Variants in EOGT observed in about 807,000 individuals in gnomAD.
EOGT encodes the protein EGF domain-specific O-linked N-acetylglucosamine transferase.
Under a neutral mutation model 70.5 loss-of-function variants are expected in EOGT, and 55 were observed. The observed-to-expected ratio is 0.78, with a 90% CI of 0.63 to 0.98. The LOEUF (loss-of-function observed/expected upper bound fraction) is 0.98. EOGT is among the 50% of genes least tolerant of loss of function. EOGT has a pLI of 0.00. For missense variants in EOGT, 703 were observed against 641.9 expected (o/e 1.10, Z -1.03); for synonymous variants, 246 against 217.1 (o/e 1.13, Z -1.17).
chr3:68,997,371 CT>C lies in EOGT; in HGVS notation c.831+639del, dbSNP rs796115630. ...TTACAGAGGTTGAGTGAATGACAGC[CT>C]TTTTTTTTTTTTTTGAGACAGAGTC... On this transcript the variant is annotated intron_variant, in intron 10 of 17. Coordinates refer to ENST00000383701, the MANE Select transcript of EOGT (RefSeq NM_001278689.2). Among the ~76,000 whole-genome samples, 425 of 141,356 alleles carry C rather than the reference CT, an allele frequency of 3.0e-3. 1 individual carries two copies. The highest frequency in any genetic ancestry group is 0.022 in the Middle Eastern group (6 of 276). 92.7% of individuals were successfully genotyped at this position (141,356 alleles called of 152,430 possible). A position where few individuals can be genotyped will look rare whatever the true frequency, so the allele number is the denominator to read the frequency against.
intron 14 of EOGT, among the ~76,000 whole-genome samples, chr3:68,984,218 C>CTT (rs1159622202): frequency 6.6e-6 from 1 of 151,642 alleles, no homozygotes; most frequent in Non-Finnish European, 1.5e-5. Flanking sequence ...CTCTCTCTCT[C>CTT]TCTCACACTC....
intron 15 of EOGT, 172 bp downstream of exon 15, chr3:68,982,639 A>G (rs1273717464): frequency 1.2e-5 from 5 of 413,896 alleles, no homozygotes. Flanking sequence ...CCAAAGAGTA[A>G]CTGCCCTTGT....
intron 14 of EOGT, among the ~76,000 whole-genome samples, chr3:68,985,126 C>A (rs1168874288): frequency 6.6e-6 from 1 of 152,192 alleles, no homozygotes; most frequent in Non-Finnish European, 1.5e-5. Context: ...ATATGCTTGA[C>A]CCCCAACTGC....
At chr3:68,989,128 C>A (rs552676589) in intron 10 of EOGT, 111 bp from the exon 11 acceptor site, 17 of 566,898 alleles carry the variant, frequency 3.0e-5, no homozygotes, top group South Asian at 3.0e-4. Flanking sequence ...AACAATCCTA[C>A]GCAAGTTCAT....
chr3:69,007,643 C>T, intron 6 of EOGT, 70 bp downstream of exon 6: 1 of 1,056,968 alleles, frequency 9.5e-7, no homozygotes, highest in Non-Finnish European at 1.4e-6. Flanking sequence ...TAGACAGAAA[C>T]TCCGTCTCAA....
In EOGT at chr3:69,004,378, C is replaced by G. The variant is rs587776993; in HGVS notation, c.620G>C (p.Trp207Ser). 1 of 1,609,228 alleles carries G rather than the reference C, an allele frequency of 6.2e-7. No homozygotes were observed. The highest frequency in any genetic ancestry group is 1.1e-5 in the South Asian group (1 of 90,622). Residue 207 changes from tryptophan to serine, a missense_variant and splice_region_variant, in exon 8 of 18, where the codon TGG becomes TCG. Trp to Ser is a radical substitution (Grantham distance 177, BLOSUM62 -3). Transcript: ENST00000383701. ...EGQRKSPLQS[W>S]FAELQSYTQL... is the part of the protein sequence containing the mutation. ...AACAGATACGTTAAAAATATCTTAC[C>G]ATGACTGCAGAGGGCTTTTGCGCTG... is the stretch of plus-strand genomic sequence containing the variant.
Position 68,982,873 on chromosome 3 carries a change from C to T in EOGT, c.1153-1G>A. The T allele has an allele frequency of 6.3e-7, 1 of 1,598,828 alleles. No individual in the cohort carries two copies. The highest frequency in any genetic ancestry group is 8.5e-7 in the Non-Finnish European group (1 of 1,172,814). On this transcript the variant is annotated splice_acceptor_variant, in intron 14 of 17. Transcript: ENST00000383701. LOFTEE classifies it high-confidence loss of function. The stretch of plus-strand genomic sequence containing the variant: ...ATACTGTTTTCAGTGCATTTACAAG[C>T]TGGGAAAAAAAGAGAAACATTTAGC...
chr3:68,999,951 G>A (rs949989271), intron 9 of EOGT, among the ~76,000 whole-genome samples: 15 of 152,200 alleles, frequency 9.9e-5, no homozygotes, highest in Admixed American at 9.8e-4. Context: ...ACCAGGCACA[G>A]TTACTCACAC....
intron 10 of EOGT, among the ~76,000 whole-genome samples, chr3:68,992,124 G>A (rs62254187): frequency 0.01 from 1,584 of 152,066 alleles, 9 homozygotes; most frequent in East Asian, 0.018. Context: ...TCTAAATCTC[G>A]TGTCCCCACA....
At chr3:68,994,047 A>G (rs115159308) in intron 10 of EOGT, among the ~76,000 whole-genome samples, 92 of 152,366 alleles carry the variant, frequency 6.0e-4, no homozygotes, top group African/African-American at 2.1e-3. Context: ...TCTGGGTACC[A>G]TAACGAGATC....
chr3:68,994,806 A>C (rs901229125), intron 10 of EOGT, among the ~76,000 whole-genome samples: 1 of 152,208 alleles, frequency 6.6e-6, no homozygotes, highest in East Asian at 1.9e-4. Context: ...AAACAGAAAA[A>C]AAGTAATCAT....
chr3:68,994,122 T>C (rs2091076411), intron 10 of EOGT, among the ~76,000 whole-genome samples: 1 of 152,118 alleles, frequency 6.6e-6, no homozygotes, highest in South Asian at 2.1e-4. Context: ...GTAATATATA[T>C]TATATATACG....
chr3:68,982,946 A>ATT, intron 14 of EOGT, 74 bp from the exon 15 acceptor site: 1 of 1,172,162 alleles, frequency 8.5e-7, no homozygotes, highest in Non-Finnish European at 1.2e-6. Flanking sequence ...GAGTCCTAAA[A>ATT]TTTCTTTTTT....
chr3:69,009,723 A>G lies in EOGT; in HGVS notation c.124T>C (p.Leu42=), dbSNP rs2091525759. The change falls in exon 4 of 18, where the codon TTG becomes CTG. Residue 42 remains leucine (L), a synonymous_variant. Coordinates refer to ENST00000383701, the MANE Select transcript of EOGT (RefSeq NM_001278689.2). The part of the protein sequence containing the change: ...EPLYNYASIR[L]PEEHIPFFLH... ...AAGAAGGGAATGTGCTCCTCTGGCAAGCGGATGCTGGCATAGTTATACAGA... is the reference window on the plus strand; with the variant it reads ...AAGAAGGGAATGTGCTCCTCTGGCAGGCGGATGCTGGCATAGTTATACAGA... The G allele has an allele frequency of 6.2e-7, 1 of 1,614,110 alleles. No homozygotes were observed. Among genetic ancestry groups the G allele is most frequent in the African/African-American group, 1.3e-5 (1 of 75,020 alleles).
rs2091327306 is a variant in EOGT at position 69,002,640 on chromosome 3, A to G, written c.621-926T>C. Among the ~76,000 whole-genome samples, 6 of 149,792 alleles carry G rather than the reference A, an allele frequency of 4.0e-5. No individual in the cohort carries two copies. The South Asian group carries it at 1.3e-3, about 32-fold the overall frequency. On this transcript the variant is annotated intron_variant, in intron 8 of 17. Coordinates refer to ENST00000383701, the MANE Select transcript of EOGT (RefSeq NM_001278689.2). Reference sequence around the variant, plus strand: ...GCCTCTTTAAGGACAAAAAAAAAAAAGGTTTGCTCAGCATGAATTTCTTTT... The same window carrying G: ...GCCTCTTTAAGGACAAAAAAAAAAAGGGTTTGCTCAGCATGAATTTCTTTT...
chr3:68,981,660 C>A (rs1288048864), intron 15 of EOGT, among the ~76,000 whole-genome samples: 1 of 152,042 alleles, frequency 6.6e-6, no homozygotes, highest in Non-Finnish European at 1.5e-5. Flanking sequence ...CTTTCTAAGC[C>A]TTTTAGTTGT....
chr3:68,978,522 CA>C, intron 16 of EOGT, 87 bp from the exon 17 acceptor site: 2 of 792,816 alleles, frequency 2.5e-6, no homozygotes, highest in South Asian at 3.5e-5. Context: ...ATGCAGCTCC[CA>C]AATATGTCCT....
At position 68,977,435 on chromosome 3, in the gene EOGT, T is replaced by C. The variant is rs72922929; in HGVS notation, c.*183A>G. ...AATTATTGCTATTGATAAATAGCAA[T>C]GACACAAAAACCACATGAAACACTT... is the stretch of plus-strand genomic sequence containing the variant. On this transcript the variant is annotated 3_prime_UTR_variant, in exon 18 of 18. Transcript: ENST00000383701. The C allele has an allele frequency of 0.014, 7,794 of 573,144 alleles. 382 individuals are homozygous for C. Among genetic ancestry groups the C allele is most frequent in the African/African-American group, 0.12 (5,938 of 50,732 alleles). 35.5% of individuals were successfully genotyped at this position (573,144 alleles called of 1,614,324 possible). A position where few individuals can be genotyped will look rare whatever the true frequency, so the allele number is the denominator to read the frequency against.
At chr3:68,997,563 T>A (rs1300548207) in intron 10 of EOGT, among the ~76,000 whole-genome samples, 3 of 152,088 alleles carry the variant, frequency 2.0e-5, no homozygotes, top group Non-Finnish European at 1.5e-5. Context: ...GAAACAAGAT[T>A]TCACCATGTT....
Sources: gnomAD v4.1 joint callset for allele counts (sites outside exome capture counted in the v4.1 genomes callset) on GRCh38, gnomAD v4.1.1 for gene constraint, MANE v1.5 for transcripts, NCBI Gene and HGNC (gene_info 2026-07-23, HGNC 2026-07-21) for gene names.